The following ATG4A variants were observed in gnomAD, a reference collection of about 807,000 sequenced individuals.
ATG4A encodes cysteine protease ATG4A.
In ATG4A, 22 loss-of-function variants were observed where a neutral mutation model predicts 38.4. The ratio of observed to expected loss-of-function variants is 0.57; its 90% CI spans 0.41 to 0.82. ATG4A has a LOEUF of 0.82. Among genes scored for constraint, ATG4A ranks in the 40% least tolerant of loss-of-function variants. The pLI is 0.00. For synonymous variants in ATG4A, 86 were observed against 100.7 expected, an observed-to-expected ratio of 0.85 and a Z score of 0.88; for missense variants, 220 against 290.0, an observed-to-expected ratio of 0.76 and a Z score of 1.75.
intron 3 of ATG4A, among the ~76,000 whole-genome samples, chrX:108,130,660 AG>A (rs1340250705): frequency 8.9e-6 from 1 of 112,005 alleles, no homozygotes; most frequent in East Asian, 2.8e-4. Context: ...CTCAGCCTAT[AG>A]GTGAGATTTA....
chrX:108,140,030 A>C (rs2033197762), intron 9 of ATG4A, among the ~76,000 whole-genome samples: 1 of 112,094 alleles, frequency 8.9e-6, no homozygotes, highest in Non-Finnish European at 1.9e-5. Flanking sequence ...TAGGATTTCA[A>C]CATATGAATT....
intron 9 of ATG4A, among the ~76,000 whole-genome samples, chrX:108,142,242 AC>A (rs894873490): frequency 1.8e-5 from 2 of 110,614 alleles, no homozygotes; most frequent in African/African-American, 6.6e-5. Context: ...TGCCGTCTAT[AC>A]CAAAAATACA....
upstream of ATG4A, chrX:108,091,669 G>A (rs2031625177): frequency 1.1e-6 from 1 of 917,042 alleles, no homozygotes; most frequent in East Asian, 3.1e-5. Context: ...GCGCCTCTGG[G>A]AGTTGCAGTT....
At chrX:108,104,434 G>GT (rs1241698209) in intron 1 of ATG4A, among the ~76,000 whole-genome samples, 137 of 103,808 alleles carry the variant, frequency 1.3e-3, no homozygotes, top group African/African-American at 2.2e-3. Context: ...TGGTTGGCAG[G>GT]TTTTTTTTTT....
intron 1 of ATG4A, 100 bp downstream of exon 1, chrX:108,091,936 G>A: frequency 8.6e-7 from 1 of 1,160,007 alleles, no homozygotes; most frequent in Admixed American, 2.4e-5. Context: ...TCGGGGGCAG[G>A]GCAAGAGTTA....
At chrX:108,121,719 T>G (rs1194719392) in intron 1 of ATG4A, among the ~76,000 whole-genome samples, 1 of 112,096 alleles carries the variant, frequency 8.9e-6, no homozygotes, top group Admixed American at 9.5e-5. Context: ...CACATCACTT[T>G]CCTTTCACTT....
At chrX:108,129,870 CTTT>C (rs775581997) in intron 3 of ATG4A, among the ~76,000 whole-genome samples, 1 of 95,004 alleles carries the variant, frequency 1.1e-5, no homozygotes, top group Non-Finnish European at 2.1e-5. Context: ...GCTCCCGGCC[CTTT>C]TTTTTTTTTT....
chrX:108,093,542 C>T (rs1288451578), intron 1 of ATG4A, among the ~76,000 whole-genome samples: 1 of 111,739 alleles, frequency 8.9e-6, no homozygotes, highest in Non-Finnish European at 1.9e-5. Flanking sequence ...TGTAAGTCTT[C>T]GTGCGGACAT....
upstream of ATG4A, among the ~76,000 whole-genome samples, chrX:108,090,555 C>G (rs2031577927): frequency 8.9e-6 from 1 of 112,055 alleles, no homozygotes; most frequent in Non-Finnish European, 1.9e-5. Context: ...AAAGAGAAAA[C>G]AGTCTCTTGA....
chrX:108,140,077 T>TG (rs1436249936), intron 9 of ATG4A, among the ~76,000 whole-genome samples: 2 of 111,950 alleles, frequency 1.8e-5, no homozygotes, highest in Admixed American at 9.5e-5. Context: ...CAACAGTGTT[T>TG]GAGGACAGCT....
intron 1 of ATG4A, among the ~76,000 whole-genome samples, chrX:108,106,095 A>T (rs2032163293): frequency 9.0e-6 from 1 of 111,336 alleles, no homozygotes; most frequent in African/African-American, 3.3e-5. Flanking sequence ...CTCCTATGTC[A>T]CATATTTCGA....
intron 9 of ATG4A, among the ~76,000 whole-genome samples, chrX:108,148,020 AATATATATATATATATATATATATAT>A (rs60886281): frequency 0.033 from 2,647 of 80,094 alleles, 173 homozygotes; most frequent in African/African-American, 0.098. Flanking sequence ...ACTAATGGAA[AATATATATATATATATATATATATAT>A]ATATATATAT....
chrX:108,122,833 A>AT (rs1036037919), intron 1 of ATG4A, among the ~76,000 whole-genome samples: 1 of 112,200 alleles, frequency 8.9e-6, no homozygotes, highest in African/African-American at 3.2e-5. Context: ...GGGGAATGAG[A>AT]TTCCTTGGGG....
intron 1 of ATG4A, among the ~76,000 whole-genome samples, chrX:108,113,079 C>T (rs2147978132): frequency 9.0e-6 from 1 of 111,365 alleles, no homozygotes; most frequent in South Asian, 3.8e-4. Flanking sequence ...TCAGTATTTA[C>T]CTTCTCTAGT....
At chrX:108,112,435 T>A (rs1360132534) in intron 1 of ATG4A, among the ~76,000 whole-genome samples, 2 of 108,930 alleles carry the variant, frequency 1.8e-5, no homozygotes, top group South Asian at 4.0e-4. Context: ...TCTGTCGCCC[T>A]GGCTGGAGTG....
chrX:108,142,898 A>G (rs1396635776), intron 9 of ATG4A, among the ~76,000 whole-genome samples: 2 of 111,605 alleles, frequency 1.8e-5, no homozygotes, highest in East Asian at 5.6e-4. Context: ...GACACTCAGT[A>G]TTAGCCATCA....
chrX:108,135,984 A>G (rs769644945), intron 6 of ATG4A, among the ~76,000 whole-genome samples: 68 of 109,904 alleles, frequency 6.2e-4, no homozygotes, highest in African/African-American at 2.2e-3. Flanking sequence ...GAGTTTCACC[A>G]TGTTAGCCAG....
At chrX:108,124,618 AT>A (rs2032751426) in intron 1 of ATG4A, among the ~76,000 whole-genome samples, 2 of 110,246 alleles carry the variant, frequency 1.8e-5, no homozygotes, top group Admixed American at 1.9e-4. Context: ...TGCCCAGCTA[AT>A]TTTTGTATTT....
At chrX:108,090,804 C>T (rs1354889353), upstream of ATG4A, among the ~76,000 whole-genome samples, 1 of 112,558 alleles carries the variant, frequency 8.9e-6, no homozygotes, top group Non-Finnish European at 1.9e-5. Context: ...ACTCATTCCC[C>T]CATGGAAATC....
Sources: gnomAD v4.1 joint callset for allele counts (sites outside exome capture counted in the v4.1 genomes callset) on GRCh38, gnomAD v4.1.1 for gene constraint, MANE v1.5 for transcripts, NCBI Gene and HGNC (gene_info 2026-07-23, HGNC 2026-07-21) for gene names.